The following HERC3 variants were observed in gnomAD, a reference collection of about 807,000 sequenced individuals.
The protein encoded by HERC3 is HECT and RLD domain containing E3 ubiquitin protein ligase 3.
Under a neutral mutation model 129.9 loss-of-function variants are expected in HERC3, and 58 were observed. That is an observed-to-expected ratio of 0.45 (90% CI 0.36 to 0.56). The LOEUF is 0.56. Among genes scored for constraint, HERC3 ranks in the 20% least tolerant of loss-of-function variants. The probability of loss-of-function intolerance (pLI) is 0.00; values close to 1 mark genes in which losing one functional copy is unlikely to be tolerated. For missense variants in HERC3, 835 were observed against 1,244.2 expected, an observed-to-expected ratio of 0.67 and a Z score of 4.95; for synonymous variants, 430 against 451.0, an observed-to-expected ratio of 0.95 and a Z score of 0.59.
chr4:88,680,290 G>A (rs957216716), intron 20 of HERC3, 54 bp downstream of exon 20: 7 of 1,405,866 alleles, frequency 5.0e-6, no homozygotes, highest in Non-Finnish European at 6.7e-6. Flanking sequence ...CTTTCTTTTT[G>A]TTGTCAGACC....
chr4:88,548,430 G>T, the HERC3 span, among the ~76,000 whole-genome samples: 1 of 151,956 alleles, frequency 6.6e-6, no homozygotes, highest in Admixed American at 6.6e-5. Flanking sequence ...CTTTTGATTT[G>T]CCTTTCCCTG....
intron 3 of HERC3, among the ~76,000 whole-genome samples, chr4:88,622,685 C>T (rs2149224202): frequency 6.6e-6 from 1 of 152,266 alleles, no homozygotes; most frequent in East Asian, 1.9e-4. Context: ...AATCCCAGCA[C>T]TTTGGGAGGC....
intron 23 of HERC3, chr4:88,690,015 G>C: frequency 1.0e-6 from 1 of 985,266 alleles, no homozygotes; most frequent in Non-Finnish European, 1.2e-6. Context: ...TATAGTATCA[G>C]AGTTGAGTGA....
chr4:88,606,253 CTTTTTTTTTT>C (rs558927566), intron 3 of HERC3, among the ~76,000 whole-genome samples: 1 of 135,376 alleles, frequency 7.4e-6, no homozygotes, highest in African/African-American at 2.7e-5. Flanking sequence ...CTTTTCTTTT[CTTTTTTTTTT>C]TTTTTTGAGA....
intron 12 of HERC3, among the ~76,000 whole-genome samples, chr4:88,667,076 A>G (rs904395696): frequency 3.3e-5 from 5 of 152,226 alleles, no homozygotes; most frequent in Non-Finnish European, 7.3e-5. Flanking sequence ...ATAAACTTCA[A>G]GATAGCCTTA....
At position 88,601,948 on chromosome 4, in the gene HERC3, T is replaced by TG. The variant is rs1723024665; in HGVS notation, c.-29-3844dup. Among the ~76,000 whole-genome samples the TG allele has an allele frequency of 1.8e-5, 2 of 113,810 alleles. 1 individual carries two copies. Among genetic ancestry groups the TG allele is most frequent in the African/African-American group, 1.2e-4 (2 of 16,344 alleles). The allele number at this position is 113,810 out of a possible 152,430, so 74.7% of individuals were successfully genotyped here. On this transcript the variant is annotated intron_variant, in intron 2 of 25. Transcript: ENST00000402738. ...GCGGGCGCCTGTAGTCCCAGCTACTTGGGAGGCTGAGGCAGGAGAATGGCG... is the reference window on the plus strand; with the variant it reads ...GCGGGCGCCTGTAGTCCCAGCTACTTGGGGAGGCTGAGGCAGGAGAATGGCG...
chr4:88,585,013 G>A, the HERC3 span, among the ~76,000 whole-genome samples: 2 of 152,178 alleles, frequency 1.3e-5, no homozygotes, highest in Admixed American at 6.5e-5. Context: ...TCATAGTTCT[G>A]GAGGGTGAGA....
chr4:88,689,435 C>A (rs1407633954), intron 23 of HERC3, among the ~76,000 whole-genome samples: 1 of 151,114 alleles, frequency 6.6e-6, no homozygotes, highest in Admixed American at 6.6e-5. Flanking sequence ...GGGAGGATCA[C>A]TTGAGCTTGG....
At chr4:88,553,379 G>T in the HERC3 span, among the ~76,000 whole-genome samples, 2 of 152,108 alleles carry the variant, frequency 1.3e-5, no homozygotes, top group African/African-American at 2.4e-5. Flanking sequence ...ACTTGAAAGG[G>T]TCTCTGTTGC....
chr4:88,629,670 A>G (rs1007692432), intron 3 of HERC3, among the ~76,000 whole-genome samples: 4 of 152,200 alleles, frequency 2.6e-5, no homozygotes, highest in Admixed American at 6.5e-5. Context: ...ATTGGGTGTA[A>G]CTTTTTTGGG....
chr4:88,562,602 C>A, the HERC3 span, among the ~76,000 whole-genome samples: 1 of 152,218 alleles, frequency 6.6e-6, no homozygotes, highest in Non-Finnish European at 1.5e-5. Flanking sequence ...AGAGTTTTCC[C>A]AATATTTTCT....
At chr4:88,679,951 C>G in intron 19 of HERC3, 142 bp from the exon 20 acceptor site, 1 of 627,108 alleles carries the variant, frequency 1.6e-6, no homozygotes, top group East Asian at 3.1e-5. Context: ...AACAGACACA[C>G]CTTGCAGTTT....
intron 3 of HERC3, among the ~76,000 whole-genome samples, chr4:88,609,302 C>A (rs373434793): frequency 1.3e-5 from 2 of 151,828 alleles, no homozygotes; most frequent in Admixed American, 6.6e-5. Flanking sequence ...CAAACAACAA[C>A]AACAAAAAAC....
chr4:88,596,539 A>G (rs1037142954), intron 2 of HERC3, among the ~76,000 whole-genome samples: 1 of 152,232 alleles, frequency 6.6e-6, no homozygotes, highest in African/African-American at 2.4e-5. Context: ...TGGAAGGCAC[A>G]AAGATGAGTA....
chr4:88,564,416 C>T, the HERC3 span, among the ~76,000 whole-genome samples: 1 of 152,166 alleles, frequency 6.6e-6, no homozygotes, highest in Non-Finnish European at 1.5e-5. Context: ...TCAGGCTAAT[C>T]TTTGCTGGGA....
the HERC3 span, among the ~76,000 whole-genome samples, chr4:88,538,545 CTTTTTT>C: frequency 1.5e-5 from 2 of 129,806 alleles, no homozygotes; most frequent in East Asian, 2.2e-4. Context: ...CCAATTTCCT[CTTTTTT>C]TTTTTTTTTT....
At chr4:88,668,109 G>A in intron 14 of HERC3, 28 bp downstream of exon 14, 4 of 1,569,092 alleles carry the variant, frequency 2.5e-6, no homozygotes, top group Non-Finnish European at 3.5e-6. Context: ...GATATCAGTG[G>A]TTTTATGGTC....
At position 88,704,101 on chromosome 4, in the gene HERC3, G is replaced by A. The variant is rs762912008; in HGVS notation, c.2661G>A (p.Gln887=). Reference sequence around the variant, plus strand: ...ATTTTCTTTTGTGTTCTGGCAGGCAGGAATTTGTGGATGCTTATGTGAATT... The same window carrying A: ...ATTTTCTTTTGTGTTCTGGCAGGCAAGAATTTGTGGATGCTTATGTGAATT... ...DNVTVCKDNR[Q]EFVDAYVNYV... The change falls in exon 24 of 26, where the codon CAG becomes CAA. Residue 887 remains glutamine, a synonymous_variant. Coordinates refer to ENST00000402738, the MANE Select transcript of HERC3 (RefSeq NM_014606.3). The A allele has an allele frequency of 1.2e-6, 2 of 1,613,552 alleles. No individual in the cohort carries two copies. Among genetic ancestry groups the A allele is most frequent in the Non-Finnish European group, 1.7e-6 (2 of 1,179,688 alleles).
chr4:88,703,195 C>T (rs774677524), intron 23 of HERC3, among the ~76,000 whole-genome samples: 1 of 152,142 alleles, frequency 6.6e-6, no homozygotes, highest in Non-Finnish European at 1.5e-5. Flanking sequence ...TCTAGTTAGC[C>T]CACCTGCAGC....
Sources: allele counts gnomAD v4.1 joint callset (sites outside exome capture counted in the v4.1 genomes callset), GRCh38; gene constraint gnomAD v4.1.1; transcripts MANE v1.5; gene names NCBI Gene and HGNC (gene_info 2026-07-23, HGNC 2026-07-21).